Variants in KAT6A observed in about 807,000 individuals in gnomAD.
The protein encoded by KAT6A is histone acetyltransferase KAT6A.
In KAT6A, 9 loss-of-function variants were observed where a neutral mutation model predicts 198.4. The observed-to-expected ratio is 0.05, with a 90% CI of 0.03 to 0.08. The LOEUF is 0.08. KAT6A is among the 10% of genes least tolerant of loss of function. KAT6A has a pLI of 1.00. For missense variants in KAT6A, 2,077 were observed against 2,509.9 expected (o/e 0.83, Z 3.69); for synonymous variants, 890 against 883.0 (o/e 1.01, Z -0.14).
intron 2 of KAT6A, among the ~76,000 whole-genome samples, chr8:42,029,587 C>T (rs868344025): frequency 2.9e-5 from 4 of 140,294 alleles, no homozygotes; most frequent in Non-Finnish European, 4.6e-5. Context: ...TTTTTTGAAA[C>T]AGGTTCTCAC....
In KAT6A at chr8:41,932,715, G is replaced by A. The variant is rs755310761; in HGVS notation, c.5505C>T (p.Thr1835=). 6.2e-7 allele frequency: 1 copy of A among 1,614,228 alleles called. No individual in the cohort carries two copies. The highest frequency in any genetic ancestry group is 8.5e-7 in the Non-Finnish European group (1 of 1,180,036). Residue 1835 remains threonine (T), a synonymous_variant, in exon 17 of 17, where the codon ACC becomes ACT. Coordinates refer to ENST00000265713, the MANE Select transcript of KAT6A (RefSeq NM_006766.5). ...SPLLQCNMSA[T]NIGIPHTQRL... Reference sequence around the variant, plus strand: ...TCTGCGTGTGAGGAATGCCAATGTTGGTGGCAGACATGTTGCACTGAAGCA... The same window carrying A: ...TCTGCGTGTGAGGAATGCCAATGTTAGTGGCAGACATGTTGCACTGAAGCA...
chr8:41,960,145 G>A (rs1823125805), intron 8 of KAT6A, among the ~76,000 whole-genome samples: 1 of 151,950 alleles, frequency 6.6e-6, no homozygotes, highest in South Asian at 2.1e-4. Flanking sequence ...CCAGGGGTGG[G>A]GGTAGGGGTG....
intron 2 of KAT6A, among the ~76,000 whole-genome samples, chr8:42,012,539 C>A (rs1370500542): frequency 6.6e-6 from 1 of 152,162 alleles, no homozygotes; most frequent in Non-Finnish European, 1.5e-5. Context: ...CTGCTGACCA[C>A]AAGCCAAGAA....
intron 8 of KAT6A, chr8:41,974,305 CCA>C (rs1564032715): frequency 6.5e-6 from 1 of 152,774 alleles, no homozygotes; most frequent in Non-Finnish European, 1.5e-5. Flanking sequence ...TCTCAAACTC[CCA>C]GACTCAAGCA....
Position 41,947,864 on chromosome 8 carries a change from C to T in KAT6A, c.1789G>A (p.Ala597Thr). ...GTTTTGTGGTCAAGAAACAACTTTG[C>T]CAAAAGACACAGGTTTTGACAATAA... is the stretch of plus-strand genomic sequence containing the variant. ...TIYCQNLCLLAKLFLDHKTLY... is the reference protein window; with the variant it reads ...TIYCQNLCLLTKLFLDHKTLY... The change falls in exon 11 of 17, where the codon GCA becomes ACA. Residue 597 changes from alanine to threonine, a missense_variant. By Grantham distance (58) the Ala-to-Thr change is moderately conservative. Around this residue, in one of 13 missense-constraint regions of KAT6A, gnomAD observed 6 missense variants for 35.7 expected, o/e 0.17. Transcript: ENST00000265713. 6.2e-7 allele frequency: 1 copy of T among 1,608,582 alleles called. No homozygotes were observed. Among genetic ancestry groups the T allele is most frequent in the Non-Finnish European group, 8.5e-7 (1 of 1,178,562 alleles).
chr8:42,003,247 T>G (rs147175912), intron 2 of KAT6A, among the ~76,000 whole-genome samples: 39 of 152,254 alleles, frequency 2.6e-4, no homozygotes, highest in African/African-American at 8.9e-4. Flanking sequence ...TTCCTTCAGC[T>G]CTCAGAACTA....
Position 42,034,453 on chromosome 8 carries a change from C to A in KAT6A, c.600+13925G>T, listed in dbSNP as rs559157152. On this transcript the variant is annotated intron_variant, in intron 2 of 16. Coordinates refer to ENST00000265713, the MANE Select transcript of KAT6A (RefSeq NM_006766.5). ...CAATTGACAAGTTTGGAGCAACGCA[C>A]GGGAATGGGTTACAACTCATATATA... Among the ~76,000 whole-genome samples, 11 of 152,210 alleles carry A rather than the reference C, an allele frequency of 7.2e-5. No homozygotes were observed. In the South Asian group the frequency reaches 2.1e-3, roughly 29 times the overall value.
At chr8:42,015,308 G>A (rs1826221178) in intron 2 of KAT6A, among the ~76,000 whole-genome samples, 1 of 152,234 alleles carries the variant, frequency 6.6e-6, no homozygotes, top group African/African-American at 2.4e-5. Flanking sequence ...TGGGGGGAAA[G>A]CAGAACTAGG....
intron 2 of KAT6A, among the ~76,000 whole-genome samples, chr8:41,988,064 G>T (rs1824717720): frequency 2.0e-5 from 3 of 152,230 alleles, no homozygotes; most frequent in Non-Finnish European, 4.4e-5. Flanking sequence ...GGGAAAGGTT[G>T]AAAGGGGAAA....
chr8:41,941,064 T>C lies in KAT6A; in HGVS notation c.2817A>G (p.Arg939=), dbSNP rs1822099232. 5.0e-6 allele frequency: 8 copies of C among 1,614,116 alleles called. No individual in the cohort carries two copies. Among genetic ancestry groups the C allele is most frequent in the Non-Finnish European group, 6.8e-6 (8 of 1,180,024 alleles). The change falls in exon 15 of 17, where the codon AGA becomes AGG. Residue 939 remains arginine (R), a synonymous_variant. Transcript: ENST00000265713. ...QDGKPDLPKR[R]LSEGVEPWRG... ...GCCAGGGCTCAACCCCCTCACTGAG[T>C]CTTCTCTTGGGAAGGTCAGGTTTCC...
intron 3 of KAT6A, among the ~76,000 whole-genome samples, chr8:41,986,533 T>C (rs1260408201): frequency 6.6e-6 from 1 of 152,050 alleles, no homozygotes; most frequent in Non-Finnish European, 1.5e-5. Context: ...TGTTAAATAC[T>C]GAAATGTAAA....
chr8:42,036,730 G>A (rs1488302227), intron 2 of KAT6A, among the ~76,000 whole-genome samples: 3 of 152,158 alleles, frequency 2.0e-5, no homozygotes, highest in African/African-American at 7.2e-5. Context: ...AGTGATGGCA[G>A]GGCACCTGTC....
chr8:42,017,166 A>T (rs780827295), intron 2 of KAT6A, among the ~76,000 whole-genome samples: 15 of 152,192 alleles, frequency 9.9e-5, no homozygotes, highest in Admixed American at 2.0e-4. Context: ...ACATAGTAAT[A>T]AGCACTCCAC....
Position 41,937,531 on chromosome 8 carries a change from C to T in KAT6A, c.3077G>A (p.Arg1026His), listed in dbSNP as rs764202707. 10 of 1,613,390 alleles carry T rather than the reference C, an allele frequency of 6.2e-6. No individual in the cohort carries two copies. The highest frequency in any genetic ancestry group is 2.2e-5 in the East Asian group (1 of 44,878). The change falls in exon 16 of 17, where the codon CGC (arginine) becomes CAC (histidine). Residue 1026 changes from arginine to histidine, a missense_variant. Physicochemically the swap from Arg to His is conservative, Grantham distance 29. Around this residue, in one of 13 missense-constraint regions of KAT6A, gnomAD observed 19 missense variants for 40.5 expected, o/e 0.47. Coordinates refer to ENST00000265713, the MANE Select transcript of KAT6A (RefSeq NM_006766.5). ...FLHRRRRVRK[R>H]KHHNSSVVTE... ...GACTACACTGCTATTGTGGTGTTTG[C>T]GCTTTCGGACTCTCCTCCTTCGGTG...
chr8:42,023,827 CAA>C (rs200728544), intron 2 of KAT6A, among the ~76,000 whole-genome samples: 37 of 122,988 alleles, frequency 3.0e-4, no homozygotes, highest in Admixed American at 4.0e-4. Context: ...TTTCTCTATC[CAA>C]AAAAAAAAAA....
At chr8:41,958,868 A>G (rs1823052404) in intron 8 of KAT6A, among the ~76,000 whole-genome samples, 1 of 152,152 alleles carries the variant, frequency 6.6e-6, no homozygotes, top group Admixed American at 6.5e-5. Flanking sequence ...TTGCAAAATG[A>G]GTTAGAAAAG....
At chr8:42,023,688 T>A (rs1432637777) in intron 2 of KAT6A, among the ~76,000 whole-genome samples, 1 of 152,002 alleles carries the variant, frequency 6.6e-6, no homozygotes, top group African/African-American at 2.4e-5. Flanking sequence ...GGTTTTGTCA[T>A]GTTGCCCAAG....
In KAT6A at chr8:42,048,590, C is replaced by A. The variant is rs1330701721; in HGVS notation, c.388G>T (p.Asp130Tyr). ...CTGCCTCCGAATAATGCAGACACAT[C>A]CTTCTGACCTTTCAAAAAACGTTCA... Reference protein sequence around the residue: ...SIERFLKGQKDVSALFGGSAA... With the variant: ...SIERFLKGQKYVSALFGGSAA... Residue 130 changes from aspartate (D) to tyrosine (Y), a missense_variant, in exon 2 of 17, where the codon GAT becomes TAT. Around this residue, in one of 13 missense-constraint regions of KAT6A, gnomAD observed 185 missense variants for 185.7 expected, o/e 1.00. Coordinates refer to ENST00000265713, the MANE Select transcript of KAT6A (RefSeq NM_006766.5). 6.2e-7 allele frequency: 1 copy of A among 1,614,206 alleles called. No individual in the cohort carries two copies. Among genetic ancestry groups the A allele is most frequent in the Non-Finnish European group, 8.5e-7 (1 of 1,180,032 alleles).
Position 41,930,823 on chromosome 8 carries a change from G to GTTGGGAGCAACACATGAAC in KAT6A, c.*1363_*1381dup. The GTTGGGAGCAACACATGAAC allele has an allele frequency of 1.0e-5, 2 of 192,002 alleles. No homozygotes were observed. Among genetic ancestry groups the GTTGGGAGCAACACATGAAC allele is most frequent in the Non-Finnish European group, 2.1e-5 (2 of 93,240 alleles). 11.9% of individuals were successfully genotyped at this position (192,002 alleles called of 1,614,324 possible). ...GTTGCACGAGAGAAAAGAGAATGGA[G>GTTGGGAGCAACACATGAAC]TTGGGAGCAACACATGAACTTGCGT... On this transcript the variant is annotated 3_prime_UTR_variant, in exon 17 of 17. Transcript: ENST00000265713.
Sources: gnomAD v4.1 joint callset for allele counts (sites outside exome capture counted in the v4.1 genomes callset) on GRCh38, gnomAD v4.1.1 for gene constraint, gnomAD v4.1.1 regional missense constraint, MANE v1.5 for transcripts, NCBI Gene and HGNC (gene_info 2026-07-23, HGNC 2026-07-21) for gene names.